The following SHMT1 variants were observed in gnomAD, a reference collection of about 807,000 sequenced individuals.
The protein encoded by SHMT1 is serine hydroxymethyltransferase, cytosolic.
SHMT1 carries 45 observed loss-of-function variants against 49.0 expected under a neutral mutation model. The observed-to-expected ratio is 0.92, with a 90% CI of 0.72 to 1.18. The LOEUF is 1.18. Ranked by LOEUF, SHMT1 falls within the 50% of genes most tolerant of loss-of-function variation. The pLI is 0.00. For missense variants in SHMT1, 541 were observed against 612.4 expected (o/e 0.88, Z 1.23); for synonymous variants, 232 against 246.6 (o/e 0.94, Z 0.55).
At chr17:18,354,794 C>A (rs1414793285) in intron 2 of SHMT1, among the ~76,000 whole-genome samples, 1 of 150,330 alleles carries the variant, frequency 6.7e-6, no homozygotes, top group Non-Finnish European at 1.5e-5. Context: ...AATCCCAGCA[C>A]TTTGGGAGGC....
chr17:18,359,151 T>C (rs1408640261), intron 1 of SHMT1, among the ~76,000 whole-genome samples: 1 of 151,194 alleles, frequency 6.6e-6, no homozygotes, highest in East Asian at 2.0e-4. Context: ...GGCAGGAGAA[T>C]CGCTTGAACC....
rs372703278 is a variant in SHMT1, at chr17:18,348,180, A to C, written c.358+145T>G. On this transcript the variant is annotated intron_variant, in intron 4 of 11. Transcript: ENST00000316694. ...GGTGGTCTGCCTGCCTCCGCCTCCC[A>C]AAGTGCTGGGATTACAGGCGTGAGC... 3 of 696,348 alleles carry C rather than the reference A, an allele frequency of 4.3e-6. No individual in the cohort carries two copies. In the Admixed American group the frequency reaches 6.1e-5, roughly 14 times the overall value. The allele number at this position is 696,348 out of a possible 1,614,324, so 43.1% of individuals were successfully genotyped here.
At position 18,330,691 on chromosome 17, in the gene SHMT1, T is replaced by C. The variant is rs1983110691; in HGVS notation, c.1055-20A>G. On this transcript the variant is annotated intron_variant, in intron 9 of 11. Transcript: ENST00000316694. ...AACCACCTGGAAACAAAGTTGGACA[T>C]GTAGAAATGCAGGCGAATTCTATGC... The C allele has an allele frequency of 1.9e-6, 3 of 1,547,778 alleles. No homozygotes were observed. Among genetic ancestry groups the C allele is most frequent in the Admixed American group, 3.3e-5 (2 of 59,902 alleles).
intron 8 of SHMT1, among the ~76,000 whole-genome samples, chr17:18,334,452 C>T (rs1421764344): frequency 1.3e-5 from 2 of 152,194 alleles, no homozygotes; most frequent in African/African-American, 4.8e-5. Context: ...AAGTTCTGTG[C>T]TAACATTACC....
At chr17:18,351,586 G>A (rs921252609) in intron 3 of SHMT1, among the ~76,000 whole-genome samples, 74 of 151,956 alleles carry the variant, frequency 4.9e-4, no homozygotes, top group African/African-American at 1.5e-3. Context: ...GTGAAACCCC[G>A]TCTCTACTAA....
At chr17:18,330,364 G>A (rs1464205861) in intron 10 of SHMT1, among the ~76,000 whole-genome samples, 191 bp downstream of exon 10, 1 of 151,606 alleles carries the variant, frequency 6.6e-6, no homozygotes, top group Non-Finnish European at 1.5e-5. Context: ...TCGAATTCCT[G>A]ACCTCAAGTG....
chr17:18,348,860 C>A (rs1471057245), intron 3 of SHMT1, among the ~76,000 whole-genome samples: 2 of 151,582 alleles, frequency 1.3e-5, no homozygotes, highest in Non-Finnish European at 2.9e-5. Context: ...TGCCCATAGT[C>A]CCAGCTACTT....
chr17:18,347,060 A>T (rs894189625), intron 5 of SHMT1, among the ~76,000 whole-genome samples: 1 of 152,108 alleles, frequency 6.6e-6, no homozygotes, highest in Non-Finnish European at 1.5e-5. Flanking sequence ...GGAGCTGGGG[A>T]CGTTGCCATG....
At position 18,343,919 on chromosome 17, in the gene SHMT1, TA is replaced by T. The variant is rs35005892; in HGVS notation, c.520-3107del. Among the ~76,000 whole-genome samples, 356 of 106,886 alleles carry T rather than the reference TA, an allele frequency of 3.3e-3. 1 individual carries two copies. The highest frequency in any genetic ancestry group is 0.013 in the East Asian group (49 of 3,820). 70.1% of individuals were successfully genotyped at this position (106,886 alleles called of 152,430 possible). Reference sequence around the variant, plus strand: ...TGGGAGGCAGAGCCAGATACTGTCTTAAAAAAAAAAAAAAAAAAAAAGTCAT... The same window carrying T: ...TGGGAGGCAGAGCCAGATACTGTCTTAAAAAAAAAAAAAAAAAAAAGTCAT... On this transcript the variant is annotated intron_variant, in intron 5 of 11. Transcript: ENST00000316694.
chr17:18,355,479 G>T (rs995072302), intron 2 of SHMT1, among the ~76,000 whole-genome samples: 1 of 152,000 alleles, frequency 6.6e-6, no homozygotes, highest in African/African-American at 2.4e-5. Context: ...GGTGGAGGTT[G>T]CAGTGAGCCA....
chr17:18,349,003 A>G (rs1457094159), intron 3 of SHMT1, among the ~76,000 whole-genome samples: 2 of 151,910 alleles, frequency 1.3e-5, no homozygotes, highest in African/African-American at 4.8e-5. Context: ...AAAAAAAGGA[A>G]AGAAATCCTA....
intron 5 of SHMT1, chr17:18,341,182 T>G (rs1984463943): frequency 7.4e-6 from 2 of 271,646 alleles, no homozygotes; most frequent in Non-Finnish European, 1.4e-5. Context: ...ATTCCAAGTA[T>G]AATGAGGCAA....
chr17:18,357,135 G>T (rs1293532471), intron 1 of SHMT1, among the ~76,000 whole-genome samples: 2 of 151,768 alleles, frequency 1.3e-5, no homozygotes, highest in Non-Finnish European at 2.9e-5. Flanking sequence ...CAAAAAATGA[G>T]CTGGACGTTG....
intron 5 of SHMT1, among the ~76,000 whole-genome samples, chr17:18,346,155 C>T (rs1167688605): frequency 6.6e-6 from 1 of 152,104 alleles, no homozygotes; most frequent in Non-Finnish European, 1.5e-5. Context: ...TGAGTACACA[C>T]AGAACCATGG....
Position 18,340,397 on chromosome 17 carries a change from C to T in SHMT1, c.602-142G>A. On this transcript the variant is annotated intron_variant, in intron 6 of 11. Coordinates refer to ENST00000316694, the MANE Select transcript of SHMT1 (RefSeq NM_004169.5). This position sits in a 1 kb window ranked among gnomAD's most constrained non-coding sequence, Gnocchi z 4.5. ...TCTCAGAGCAAAAATGGAGAATGCC[C>T]TCAAAAAGCACCTCTGTGCTAAAGG... 1.1e-6 allele frequency: 1 copy of T among 909,054 alleles called. No homozygotes were observed. The highest frequency in any genetic ancestry group is 1.7e-6 in the Non-Finnish European group (1 of 575,948). 56.3% of individuals were successfully genotyped at this position (909,054 alleles called of 1,614,324 possible). A position where few individuals can be genotyped will look rare whatever the true frequency, so the allele number is the denominator to read the frequency against.
At chr17:18,334,397 T>G (rs1983571104) in intron 8 of SHMT1, among the ~76,000 whole-genome samples, 1 of 152,160 alleles carries the variant, frequency 6.6e-6, no homozygotes, top group Non-Finnish European at 1.5e-5. Context: ...CTGATATGCT[T>G]CTCTCTGAGG....
intron 9 of SHMT1, chr17:18,331,529 G>T (rs564810854): frequency 6.5e-6 from 1 of 152,970 alleles, no homozygotes; most frequent in East Asian, 1.9e-4. Flanking sequence ...GCATTTGCAA[G>T]CATTATCTGT....
chr17:18,347,914 GTTT>G (rs753251331), intron 4 of SHMT1, among the ~76,000 whole-genome samples: 1 of 137,592 alleles, frequency 7.3e-6, no homozygotes, highest in Non-Finnish European at 1.6e-5. Flanking sequence ...ATTTATGGCA[GTTT>G]TTTTTTTTTT....
chr17:18,351,335 T>C (rs1567789039), intron 3 of SHMT1, among the ~76,000 whole-genome samples: 1 of 151,564 alleles, frequency 6.6e-6, no homozygotes, highest in Non-Finnish European at 1.5e-5. Flanking sequence ...TTAGTAGAGA[T>C]GGGGTTTACA....
Sources: allele counts gnomAD v4.1 joint callset (sites outside exome capture counted in the v4.1 genomes callset), GRCh38; gene constraint gnomAD v4.1.1; non-coding constraint Gnocchi (gnomAD v3.1); transcripts MANE v1.5; gene names NCBI Gene and HGNC (gene_info 2026-07-23, HGNC 2026-07-21).